Variants in MISP3 observed in about 807,000 individuals in gnomAD.
MISP3 encodes uncharacterized protein MISP3.
In MISP3, 9 loss-of-function variants were observed where a neutral mutation model predicts 5.5. That is an observed-to-expected ratio of 1.65 (90% CI 0.99 to 2.87). The LOEUF (loss-of-function observed/expected upper bound fraction) is 2.87, where lower values mean the gene tolerates loss of function less well. MISP3 is among the 30% of genes most tolerant of loss of function. The pLI is 0.00. For missense variants in MISP3, 152 were observed against 84.1 expected (o/e 1.81, Z -3.16); for synonymous variants, 87 against 38.1 (o/e 2.28, Z -4.73).
chr19:14,074,654 T>G lies in MISP3; in HGVS notation c.643-52T>G, dbSNP rs932751453. 5.7e-6 allele frequency: 4 copies of G among 698,356 alleles called. No individual in the cohort carries two copies. Among genetic ancestry groups the G allele is most frequent in the Non-Finnish European group, 7.9e-6 (3 of 381,244 alleles). 43.3% of individuals were successfully genotyped at this position (698,356 alleles called of 1,614,324 possible). On this transcript the variant is annotated intron_variant, in intron 2 of 2. Coordinates refer to ENST00000587086, the MANE Select transcript of MISP3 (RefSeq NM_001291291.2). The surrounding 1 kb of genome is among the most constrained non-coding windows in gnomAD (Gnocchi z 4.4). Reference sequence around the variant, plus strand: ...CCCAAACCGCCACCCCGAGCCTGGATGCAGTGCGCAGGTCCCTGAGGCCGG... The same window carrying G: ...CCCAAACCGCCACCCCGAGCCTGGAGGCAGTGCGCAGGTCCCTGAGGCCGG...
Position 14,074,385 on chromosome 19 carries a change from C to T in MISP3, c.569-5C>T. ...CTGGTGAGCTGAGCGCCCCTTCCCC[C>T]GCAGCGAGCAGGGGCGACGGAAAGT... is the stretch of plus-strand genomic sequence containing the variant. On this transcript the variant is annotated splice_polypyrimidine_tract_variant and splice_region_variant and intron_variant, in intron 1 of 2. Coordinates refer to ENST00000587086, the MANE Select transcript of MISP3 (RefSeq NM_001291291.2). This position sits in a 1 kb window ranked among gnomAD's most constrained non-coding sequence, Gnocchi z 4.4. 1 of 702,634 alleles carries T rather than the reference C, an allele frequency of 1.4e-6. No homozygotes were observed. The highest frequency in any genetic ancestry group is 2.6e-6 in the Non-Finnish European group (1 of 384,846). The allele number at this position is 702,634 out of a possible 1,614,324, so 43.5% of individuals were successfully genotyped here. A position where few individuals can be genotyped will look rare whatever the true frequency, so the allele number is the denominator to read the frequency against.
rs750214753 is a variant in MISP3, at chr19:14,074,502, G to A, written c.642+39G>A. On this transcript the variant is annotated intron_variant, in intron 2 of 2. Coordinates refer to ENST00000587086, the MANE Select transcript of MISP3 (RefSeq NM_001291291.2). This position sits in a 1 kb window ranked among gnomAD's most constrained non-coding sequence, Gnocchi z 4.4. ...TACCCGTGTGCCTCTAGCGCTTGTC[G>A]GTCCCCCCACCCCTCCGGTGCCAGG... The A allele has an allele frequency of 1.4e-6, 1 of 694,310 alleles. No homozygotes were observed. Among genetic ancestry groups the A allele is most frequent in the African/African-American group, 1.8e-5 (1 of 57,142 alleles). 43.0% of individuals were successfully genotyped at this position (694,310 alleles called of 1,614,324 possible).
At position 14,073,720 on chromosome 19, in the gene MISP3, C is replaced by A. The variant is rs749571445; in HGVS notation, c.411C>A (p.Gly137=). The change falls in exon 1 of 3, where the codon GGC becomes GGA. Residue 137 remains glycine (G), a synonymous_variant. Coordinates refer to ENST00000587086, the MANE Select transcript of MISP3 (RefSeq NM_001291291.2). This position sits in a 1 kb window ranked among gnomAD's most constrained non-coding sequence, Gnocchi z 8.5. The part of the protein sequence containing the change: ...PGGRPRSAVQ[G]GCRVLGSAPP... Reference sequence around the variant, plus strand: ...GACGGCCGCGCTCGGCCGTGCAGGGCGGGTGCCGGGTGCTGGGCAGCGCCC... The same window carrying A: ...GACGGCCGCGCTCGGCCGTGCAGGGAGGGTGCCGGGTGCTGGGCAGCGCCC... 2.9e-5 allele frequency: 19 copies of A among 662,018 alleles called. No individual in the cohort carries two copies. The highest frequency in any genetic ancestry group is 5.2e-5 in the Non-Finnish European group (19 of 367,600). 41.0% of individuals were successfully genotyped at this position (662,018 alleles called of 1,614,324 possible). A position where few individuals can be genotyped will look rare whatever the true frequency, so the allele number is the denominator to read the frequency against.
Position 14,074,409 on chromosome 19 carries a change from G to A in MISP3, c.588G>A (p.Lys196=). The A allele has an allele frequency of 1.4e-6, 1 of 702,828 alleles. No homozygotes were observed. Among genetic ancestry groups the A allele is most frequent in the Admixed American group, 2.0e-5 (1 of 50,006 alleles). 43.5% of individuals were successfully genotyped at this position (702,828 alleles called of 1,614,324 possible). ...PSLTASRGDG[K]LVVIWPPRRK... ...CCGCAGCGAGCAGGGGCGACGGAAA[G>A]TTGGTGGTGATCTGGCCCCCCCGCA... is the stretch of plus-strand genomic sequence containing the variant. Residue 196 remains lysine (K), a synonymous_variant, in exon 2 of 3, where the codon AAG becomes AAA. Transcript: ENST00000587086. The surrounding 1 kb of genome is among the most constrained non-coding windows in gnomAD (Gnocchi z 4.4).
chr19:14,073,561 C>A lies in MISP3; in HGVS notation c.252C>A (p.Val84=), dbSNP rs1976626490. Residue 84 remains valine (V), a synonymous_variant, in exon 1 of 3, where the codon GTC becomes GTA. Transcript: ENST00000587086. This position sits in a 1 kb window ranked among gnomAD's most constrained non-coding sequence, Gnocchi z 8.5. ...AGGCGGCGCTGGCGCGCCCCGCGGT[C>A]CCCGAGCCGCGCGCCCGGTCGCCGC... ...HRQAALARPA[V]PEPRARSPPQ... is the part of the protein sequence containing the mutation. 1.2e-5 allele frequency: 3 copies of A among 246,398 alleles called. No individual in the cohort carries two copies. Among genetic ancestry groups the A allele is most frequent in the South Asian group, 3.1e-4 (2 of 6,440 alleles). 15.3% of individuals were successfully genotyped at this position (246,398 alleles called of 1,614,324 possible). A position where few individuals can be genotyped will look rare whatever the true frequency, so the allele number is the denominator to read the frequency against.
Position 14,073,413 on chromosome 19 carries a change from T to G in MISP3, c.104T>G (p.Val35Gly), listed in dbSNP as rs1375682598. ...LSPGRAGREL[V>G]ELRVRPVLNL... The stretch of plus-strand genomic sequence containing the variant: ...CCGGGCCGCGCAGGCCGTGAACTCG[T>G]CGAGCTGCGCGTGCGGCCGGTGCTC... The change falls in exon 1 of 3, where the codon GTC becomes GGC. Residue 35 changes from valine (V) to glycine (G), a missense_variant. Transcript: ENST00000587086. The surrounding 1 kb of genome is among the most constrained non-coding windows in gnomAD (Gnocchi z 8.5). 4.4e-6 allele frequency: 3 copies of G among 677,132 alleles called. No homozygotes were observed. In the East Asian group the frequency reaches 8.4e-5, roughly 19 times the overall value. The allele number at this position is 677,132 out of a possible 1,614,324, so 41.9% of individuals were successfully genotyped here.
In MISP3 at chr19:14,074,106, G is replaced by A; in HGVS notation, c.568+229G>A. 3 of 593,718 alleles carry A rather than the reference G, an allele frequency of 5.1e-6. No homozygotes were observed. The highest frequency in any genetic ancestry group is 9.0e-6 in the Non-Finnish European group (3 of 333,796). The allele number at this position is 593,718 out of a possible 1,614,324, so 36.8% of individuals were successfully genotyped here. On this transcript the variant is annotated intron_variant, in intron 1 of 2. Transcript: ENST00000587086. The surrounding 1 kb of genome is among the most constrained non-coding windows in gnomAD (Gnocchi z 4.4). Reference sequence around the variant, plus strand: ...TGGACTCTCTGATCCACACCACCCAGGCTGCGCGGGGGTGGGGGCATTCCA... The same window carrying A: ...TGGACTCTCTGATCCACACCACCCAAGCTGCGCGGGGGTGGGGGCATTCCA...
Position 14,073,744 on chromosome 19 carries a change from C to G in MISP3, c.435C>G (p.Ala145=). 1.4e-6 allele frequency: 1 copy of G among 691,614 alleles called. No homozygotes were observed. Among genetic ancestry groups the G allele is most frequent in the Non-Finnish European group, 2.6e-6 (1 of 380,358 alleles). The allele number at this position is 691,614 out of a possible 1,614,324, so 42.8% of individuals were successfully genotyped here. A position where few individuals can be genotyped will look rare whatever the true frequency, so the allele number is the denominator to read the frequency against. The part of the protein sequence containing the change: ...VQGGCRVLGS[A]PPPFTPSLLE... ...GCGGGTGCCGGGTGCTGGGCAGCGC[C>G]CCGCCGCCTTTCACTCCGTCACTGC... The change falls in exon 1 of 3, where the codon GCC becomes GCG. Residue 145 remains alanine, a synonymous_variant. Coordinates refer to ENST00000587086, the MANE Select transcript of MISP3 (RefSeq NM_001291291.2). The surrounding 1 kb of genome is among the most constrained non-coding windows in gnomAD (Gnocchi z 8.5).
In MISP3 at chr19:14,073,711, C is replaced by G. The variant is rs1311454930; in HGVS notation, c.402C>G (p.Ala134=). 9.9e-6 allele frequency: 6 copies of G among 605,818 alleles called. No homozygotes were observed. The highest frequency in any genetic ancestry group is 1.7e-5 in the Non-Finnish European group (6 of 343,106). The allele number at this position is 605,818 out of a possible 1,614,324, so 37.5% of individuals were successfully genotyped here. The part of the protein sequence containing the change: ...LPEPGGRPRS[A]VQGGCRVLGS... ...AGCCTGGGGGACGGCCGCGCTCGGC[C>G]GTGCAGGGCGGGTGCCGGGTGCTGG... Residue 134 remains alanine, a synonymous_variant, in exon 1 of 3, where the codon GCC becomes GCG. Coordinates refer to ENST00000587086, the MANE Select transcript of MISP3 (RefSeq NM_001291291.2). This position sits in a 1 kb window ranked among gnomAD's most constrained non-coding sequence, Gnocchi z 8.5.
Position 14,073,844 on chromosome 19 carries a change from G to T in MISP3, c.535G>T (p.Ala179Ser), listed in dbSNP as rs1976637968. 1.4e-6 allele frequency: 1 copy of T among 701,934 alleles called. No individual in the cohort carries two copies. Among genetic ancestry groups the T allele is most frequent in the African/African-American group, 1.7e-5 (1 of 57,354 alleles). 43.5% of individuals were successfully genotyped at this position (701,934 alleles called of 1,614,324 possible). The stretch of plus-strand genomic sequence containing the variant: ...CCAGCGGCGCAGCGTCTATGGCACC[G>T]CGGAGTTCAAGGAGCCTACGCCGAG... ...QRQRRSVYGT[A>S]EFKEPTPSLT... is the part of the protein sequence containing the mutation. Residue 179 changes from alanine to serine, a missense_variant, in exon 1 of 3, where the codon GCG becomes TCG. Coordinates refer to ENST00000587086, the MANE Select transcript of MISP3 (RefSeq NM_001291291.2). The surrounding 1 kb of genome is among the most constrained non-coding windows in gnomAD (Gnocchi z 8.5).
At position 14,073,129 on chromosome 19, in the gene MISP3, TGA is replaced by T. The variant is rs1040490432; in HGVS notation, c.-177_-176del. 1 of 662,030 alleles carries T rather than the reference TGA, an allele frequency of 1.5e-6. No individual in the cohort carries two copies. The highest frequency in any genetic ancestry group is 1.8e-5 in the African/African-American group (1 of 55,752). The allele number at this position is 662,030 out of a possible 1,614,324, so 41.0% of individuals were successfully genotyped here. ...CCGGGCTGTCCACAGCTGCGGGCTT[TGA>T]GAGTCCTGAGCCAGGCAGAGACGAC... On this transcript the variant is annotated 5_prime_UTR_variant, in exon 1 of 3. Transcript: ENST00000587086. This position sits in a 1 kb window ranked among gnomAD's most constrained non-coding sequence, Gnocchi z 8.5.
In MISP3 at chr19:14,073,618, C is replaced by T; in HGVS notation, c.309C>T (p.Phe103=). 1 of 340,700 alleles carries T rather than the reference C, an allele frequency of 2.9e-6. No individual in the cohort carries two copies. The highest frequency in any genetic ancestry group is 5.3e-6 in the Non-Finnish European group (1 of 188,986). 21.1% of individuals were successfully genotyped at this position (340,700 alleles called of 1,614,324 possible). The change falls in exon 1 of 3, where the codon TTC becomes TTT. Residue 103 remains phenylalanine (F), a synonymous_variant. Coordinates refer to ENST00000587086, the MANE Select transcript of MISP3 (RefSeq NM_001291291.2). This position sits in a 1 kb window ranked among gnomAD's most constrained non-coding sequence, Gnocchi z 8.5. ...CGCTGGGCGAACTCAAGCGCTTCTTCGAGGCCGCGGCGGGGAGCGGCTCCT... is the reference window on the plus strand; with the variant it reads ...CGCTGGGCGAACTCAAGCGCTTCTTTGAGGCCGCGGCGGGGAGCGGCTCCT... The part of the protein sequence containing the change: ...PQPLGELKRF[F]EAAAGSGSSA...
chr19:14,072,917 G>T lies in MISP3; in HGVS notation c.-393G>T. 1 of 454,974 alleles carries T rather than the reference G, an allele frequency of 2.2e-6. No individual in the cohort carries two copies. Among genetic ancestry groups the T allele is most frequent in the Non-Finnish European group, 4.4e-6 (1 of 228,004 alleles). 28.2% of individuals were successfully genotyped at this position (454,974 alleles called of 1,614,324 possible). On this transcript the variant is annotated 5_prime_UTR_variant, in exon 1 of 3. Transcript: ENST00000587086. The surrounding 1 kb of genome is among the most constrained non-coding windows in gnomAD (Gnocchi z 6.8). ...ACCCTGGACACGAAGGCCCCCACCGGCCGGAGAACGAAACCCTGGGGTCGT... is the reference window on the plus strand; with the variant it reads ...ACCCTGGACACGAAGGCCCCCACCGTCCGGAGAACGAAACCCTGGGGTCGT...
In MISP3 at chr19:14,073,912, G is replaced by C; in HGVS notation, c.568+35G>C. On this transcript the variant is annotated intron_variant, in intron 1 of 2. Coordinates refer to ENST00000587086, the MANE Select transcript of MISP3 (RefSeq NM_001291291.2). The surrounding 1 kb of genome is among the most constrained non-coding windows in gnomAD (Gnocchi z 8.5). ...GGGCGTAGCAACGCCGGGACCCCCAGGGTTCCAGCCGCCCCCACCGATTGC... is the reference window on the plus strand; with the variant it reads ...GGGCGTAGCAACGCCGGGACCCCCACGGTTCCAGCCGCCCCCACCGATTGC... The C allele has an allele frequency of 1.4e-6, 1 of 696,324 alleles. No homozygotes were observed. The highest frequency in any genetic ancestry group is 2.6e-6 in the Non-Finnish European group (1 of 382,444). 43.1% of individuals were successfully genotyped at this position (696,324 alleles called of 1,614,324 possible).
In MISP3 at chr19:14,073,624, C is replaced by T. The variant is rs896374360; in HGVS notation, c.315C>T (p.Ala105=). 2.6e-5 allele frequency: 9 copies of T among 346,386 alleles called. No homozygotes were observed. The highest frequency in any genetic ancestry group is 1.5e-4 in the African/African-American group (7 of 46,544). The allele number at this position is 346,386 out of a possible 1,614,324, so 21.5% of individuals were successfully genotyped here. The change falls in exon 1 of 3, where the codon GCC becomes GCT. Residue 105 remains alanine (A), a synonymous_variant. Transcript: ENST00000587086. The surrounding 1 kb of genome is among the most constrained non-coding windows in gnomAD (Gnocchi z 8.5). ...GCGAACTCAAGCGCTTCTTCGAGGC[C>T]GCGGCGGGGAGCGGCTCCTCGGCGG... The part of the protein sequence containing the change: ...PLGELKRFFE[A]AAGSGSSAGA...
At position 14,074,084 on chromosome 19, in the gene MISP3, ACT is replaced by A. The variant is rs1425541545; in HGVS notation, c.568+212_568+213del. The A allele has an allele frequency of 1.9e-5, 11 of 589,800 alleles. No individual in the cohort carries two copies. Among genetic ancestry groups the A allele is most frequent in the East Asian group, 1.7e-4 (6 of 34,970 alleles). 36.5% of individuals were successfully genotyped at this position (589,800 alleles called of 1,614,324 possible). ...TCCACCCCTCCACCGGGAGTGATGGACTCTCTGATCCACACCACCCAGGCTGC... is the reference window on the plus strand; with the variant it reads ...TCCACCCCTCCACCGGGAGTGATGGACTCTGATCCACACCACCCAGGCTGC... On this transcript the variant is annotated intron_variant, in intron 1 of 2. Coordinates refer to ENST00000587086, the MANE Select transcript of MISP3 (RefSeq NM_001291291.2). This position sits in a 1 kb window ranked among gnomAD's most constrained non-coding sequence, Gnocchi z 4.4.
Position 14,074,536 on chromosome 19 carries a change from TG to T in MISP3, c.642+77del. On this transcript the variant is annotated intron_variant, in intron 2 of 2. Coordinates refer to ENST00000587086, the MANE Select transcript of MISP3 (RefSeq NM_001291291.2). The surrounding 1 kb of genome is among the most constrained non-coding windows in gnomAD (Gnocchi z 4.4). ...ACCCCTCCGGTGCCAGGACGCTTGG[TG>T]GGGAAAAGTGCATCCTCCCTGGAGG... The T allele has an allele frequency of 1.5e-6, 1 of 681,620 alleles. No homozygotes were observed. The allele number at this position is 681,620 out of a possible 1,614,324, so 42.2% of individuals were successfully genotyped here. A position where few individuals can be genotyped will look rare whatever the true frequency, so the allele number is the denominator to read the frequency against.
At position 14,073,832 on chromosome 19, in the gene MISP3, G is replaced by T. The variant is rs1349475445; in HGVS notation, c.523G>T (p.Val175Phe). The T allele has an allele frequency of 1.4e-6, 1 of 701,970 alleles. No individual in the cohort carries two copies. Among genetic ancestry groups the T allele is most frequent in the Non-Finnish European group, 2.6e-6 (1 of 384,580 alleles). The allele number at this position is 701,970 out of a possible 1,614,324, so 43.5% of individuals were successfully genotyped here. The change falls in exon 1 of 3, where the codon GTC becomes TTC. Residue 175 changes from valine to phenylalanine, a missense_variant. Transcript: ENST00000587086. This position sits in a 1 kb window ranked among gnomAD's most constrained non-coding sequence, Gnocchi z 8.5. ...EQELQRQRRS[V>F]YGTAEFKEPT... ...GGAACTGCAGCGCCAGCGGCGCAGC[G>T]TCTATGGCACCGCGGAGTTCAAGGA...
Position 14,074,341 on chromosome 19 carries a change from T to G in MISP3, c.569-49T>G. On this transcript the variant is annotated intron_variant, in intron 1 of 2. Coordinates refer to ENST00000587086, the MANE Select transcript of MISP3 (RefSeq NM_001291291.2). This position sits in a 1 kb window ranked among gnomAD's most constrained non-coding sequence, Gnocchi z 4.4. Reference sequence around the variant, plus strand: ...GTGTTTAAGGGGTGCGGCCGGCCTTTCATCCTGGCTGCCGCCAGCTGGTGA... The same window carrying G: ...GTGTTTAAGGGGTGCGGCCGGCCTTGCATCCTGGCTGCCGCCAGCTGGTGA... The G allele has an allele frequency of 1.4e-6, 1 of 700,262 alleles. No individual in the cohort carries two copies. The highest frequency in any genetic ancestry group is 2.6e-6 in the Non-Finnish European group (1 of 383,676). The allele number at this position is 700,262 out of a possible 1,614,324, so 43.4% of individuals were successfully genotyped here.
Sources: gnomAD v4.1 joint callset for allele counts on GRCh38, gnomAD v4.1.1 for gene constraint, Gnocchi (gnomAD v3.1) non-coding constraint, MANE v1.5 for transcripts, NCBI Gene and HGNC (gene_info 2026-07-23, HGNC 2026-07-21) for gene names.